Variants in NUBPL observed in about 807,000 individuals in gnomAD.
NUBPL encodes iron-sulfur cluster transfer protein NUBPL.
In NUBPL, 31 loss-of-function variants were observed where a neutral mutation model predicts 45.7. The ratio of observed to expected loss-of-function variants is 0.68; its 90% CI spans 0.51 to 0.92. The LOEUF (loss-of-function observed/expected upper bound fraction) is 0.92, where lower values mean the gene tolerates loss of function less well. NUBPL is among the 40% of genes least tolerant of loss of function. NUBPL has a pLI of 0.00. For synonymous variants in NUBPL, 144 were observed against 140.9 expected, an observed-to-expected ratio of 1.02 and a Z score of -0.15; for missense variants, 401 against 398.7, an observed-to-expected ratio of 1.01 and a Z score of -0.05.
chr14:31,626,316 A>G (rs933108376), intron 4 of NUBPL, among the ~76,000 whole-genome samples: 13 of 151,816 alleles, frequency 8.6e-5, no homozygotes, highest in African/African-American at 3.1e-4. Flanking sequence ...TAATTTTTGT[A>G]TTTTTAGTAG....
At chr14:31,825,779 T>C (rs947457879) in intron 7 of NUBPL, among the ~76,000 whole-genome samples, 11 of 150,806 alleles carry the variant, frequency 7.3e-5, no homozygotes, top group Admixed American at 5.9e-4. Flanking sequence ...TCCTCCTCCT[T>C]TTTCTTCTTT....
chr14:31,648,460 CTA>C (rs2035914300), intron 4 of NUBPL, among the ~76,000 whole-genome samples: 1 of 152,122 alleles, frequency 6.6e-6, no homozygotes, highest in Non-Finnish European at 1.5e-5. Flanking sequence ...AGCATACTAC[CTA>C]TGTTTATGAT....
rs748313330 is a variant in NUBPL at position 31,838,279 on chromosome 14, C to CAAAAAAAAAAA, written c.694-8182_694-8172dup. On this transcript the variant is annotated intron_variant, in intron 8 of 10. Transcript: ENST00000281081. ...TAAATACATATAACCTAATATCCAG[C>CAAAAAAAAAAA]AAAAAAAAAAAAAAAAAAAAGAGAG... Among the ~76,000 whole-genome samples, 212 of 60,168 alleles carry CAAAAAAAAAAA rather than the reference C, an allele frequency of 3.5e-3. 1 individual carries two copies. Among genetic ancestry groups the CAAAAAAAAAAA allele is most frequent in the Non-Finnish European group, 6.4e-3 (172 of 26,816 alleles). 39.5% of individuals were successfully genotyped at this position (60,168 alleles called of 152,430 possible). A position where few individuals can be genotyped will look rare whatever the true frequency, so the allele number is the denominator to read the frequency against.
chr14:31,798,230 T>G (rs2039502921), intron 7 of NUBPL, among the ~76,000 whole-genome samples: 1 of 152,116 alleles, frequency 6.6e-6, no homozygotes, highest in Non-Finnish European at 1.5e-5. Context: ...GGAAGCATTT[T>G]TCAAGGAAAC....
At chr14:31,731,599 A>G (rs2038049497) in intron 6 of NUBPL, among the ~76,000 whole-genome samples, 1 of 152,232 alleles carries the variant, frequency 6.6e-6, no homozygotes, top group East Asian at 1.9e-4. Context: ...AATGGATACA[A>G]AGAACAGTTT....
At chr14:31,637,153 C>A (rs2035528364) in intron 4 of NUBPL, among the ~76,000 whole-genome samples, 1 of 151,894 alleles carries the variant, frequency 6.6e-6, no homozygotes, top group Non-Finnish European at 1.5e-5. Flanking sequence ...TTTGCTCTTG[C>A]TTTTCTAGTT....
At chr14:31,791,992 G>A (rs567824171) in intron 7 of NUBPL, among the ~76,000 whole-genome samples, 5 of 152,234 alleles carry the variant, frequency 3.3e-5, no homozygotes, top group Non-Finnish European at 7.4e-5. Flanking sequence ...GGTGTTATAT[G>A]ATTTCTATTT....
At chr14:31,627,607 A>G (rs925936739) in intron 4 of NUBPL, among the ~76,000 whole-genome samples, 7 of 152,058 alleles carry the variant, frequency 4.6e-5, no homozygotes, top group African/African-American at 1.7e-4. Flanking sequence ...TCTACTAACA[A>G]TAGAAAAAAT....
At chr14:31,713,993 T>C (rs1414131420) in intron 6 of NUBPL, among the ~76,000 whole-genome samples, 2 of 152,206 alleles carry the variant, frequency 1.3e-5, no homozygotes, top group East Asian at 1.9e-4. Context: ...TGGAAGACAG[T>C]ACTGATTGGC....
chr14:31,841,108 G>A (rs1211926139), intron 8 of NUBPL, among the ~76,000 whole-genome samples: 5 of 152,154 alleles, frequency 3.3e-5, no homozygotes, highest in Non-Finnish European at 7.4e-5. Context: ...GACACGAGTA[G>A]TTTTCCATTT....
chr14:31,608,527 C>T (rs1347615569), intron 4 of NUBPL, among the ~76,000 whole-genome samples: 1 of 151,916 alleles, frequency 6.6e-6, no homozygotes, highest in Non-Finnish European at 1.5e-5. Flanking sequence ...GCACTCCAGC[C>T]TGGGTGACAG....
chr14:31,857,684 G>T (rs758993021), intron 10 of NUBPL, among the ~76,000 whole-genome samples: 1 of 152,116 alleles, frequency 6.6e-6, no homozygotes, highest in South Asian at 2.1e-4. Context: ...ACAAAATGCC[G>T]CCAGTCTCTT....
At chr14:31,573,272 G>C (rs2033636678) in intron 3 of NUBPL, among the ~76,000 whole-genome samples, 1 of 152,022 alleles carries the variant, frequency 6.6e-6, no homozygotes, top group Non-Finnish European at 1.5e-5. Context: ...GTTGTTATGG[G>C]GCATATGTCT....
chr14:31,684,549 T>C (rs2036909396), intron 6 of NUBPL, among the ~76,000 whole-genome samples: 1 of 152,132 alleles, frequency 6.6e-6, no homozygotes, highest in Admixed American at 6.5e-5. Context: ...GTATACCAAC[T>C]GGTGGTTCAT....
intron 6 of NUBPL, among the ~76,000 whole-genome samples, chr14:31,781,300 G>C (rs1338586430): frequency 1.3e-5 from 2 of 152,192 alleles, no homozygotes; most frequent in Admixed American, 6.5e-5. Flanking sequence ...TCCTAGGCCA[G>C]TTACTTTGAG....
At chr14:31,606,099 CTTTTT>C (rs56899102) in intron 4 of NUBPL, among the ~76,000 whole-genome samples, 1 of 120,524 alleles carries the variant, frequency 8.3e-6, no homozygotes, top group Non-Finnish European at 1.7e-5. Context: ...CTTTTCTTTT[CTTTTT>C]TTTTTTTTTT....
chr14:31,799,154 A>G (rs1288394748), intron 7 of NUBPL, among the ~76,000 whole-genome samples: 6 of 152,218 alleles, frequency 3.9e-5, no homozygotes, highest in Non-Finnish European at 2.9e-5. Context: ...ATGTAGAGGC[A>G]GACCTGTCCA....
intron 3 of NUBPL, among the ~76,000 whole-genome samples, chr14:31,594,763 G>C (rs1195492833): frequency 6.6e-6 from 1 of 152,296 alleles, no homozygotes; most frequent in East Asian, 1.9e-4. Context: ...AAATTCTTAT[G>C]ATTGGCAGCT....
At chr14:31,732,205 G>GAAAAAAAAAAAAAA (rs2038066158) in intron 6 of NUBPL, among the ~76,000 whole-genome samples, 3 of 33,424 alleles carry the variant, frequency 9.0e-5, no homozygotes, top group African/African-American at 3.3e-4. Context: ...AAAAAAAAAT[G>GAAAAAAAAAAAAAA]AAAGAAAGAA....
Sources: gnomAD v4.1 joint callset for allele counts (sites outside exome capture counted in the v4.1 genomes callset) on GRCh38, gnomAD v4.1.1 for gene constraint, MANE v1.5 for transcripts, NCBI Gene and HGNC (gene_info 2026-07-23, HGNC 2026-07-21) for gene names.